The following NAALADL2 variants were observed in gnomAD, a reference collection of about 807,000 sequenced individuals.
The protein encoded by NAALADL2 is N-acetylated alpha-linked acidic dipeptidase like 2.
NAALADL2 carries 76 observed loss-of-function variants against 87.2 expected under a neutral mutation model. That is an observed-to-expected ratio of 0.87 (90% CI 0.72 to 1.05). The LOEUF (loss-of-function observed/expected upper bound fraction) is 1.05. NAALADL2 is among the 50% of genes least tolerant of loss of function. The probability of loss-of-function intolerance (pLI) is 0.00; values close to 1 mark genes in which losing one functional copy is unlikely to be tolerated. For synonymous variants in NAALADL2, 354 were observed against 331.0 expected, an observed-to-expected ratio of 1.07 and a Z score of -0.75; for missense variants, 1,089 against 945.8, an observed-to-expected ratio of 1.15 and a Z score of -1.99.
intron 1 of NAALADL2, among the ~76,000 whole-genome samples, chr3:175,017,168 CT>C (rs113499944): frequency 0.15 from 22,614 of 148,636 alleles, 3,279 homozygotes; most frequent in African/African-American, 0.38. Flanking sequence ...CATTGCTTTT[CT>C]TTTTTTTTTC....
chr3:174,730,756 C>T (rs1377867855), intron 2 of NAALADL2, among the ~76,000 whole-genome samples: 1 of 151,866 alleles, frequency 6.6e-6, no homozygotes, highest in Non-Finnish European at 1.5e-5. Context: ...TAGCTGGAAG[C>T]TTATACCATT....
intron 3 of NAALADL2, among the ~76,000 whole-genome samples, chr3:174,793,899 A>T (rs1412636915): frequency 6.6e-6 from 1 of 152,036 alleles, no homozygotes; most frequent in Non-Finnish European, 1.5e-5. Flanking sequence ...GGCAGGTTAG[A>T]AGATACAGTT....
At chr3:175,004,153 C>T (rs1031581753) in intron 1 of NAALADL2, among the ~76,000 whole-genome samples, 2 of 152,014 alleles carry the variant, frequency 1.3e-5, no homozygotes, top group Non-Finnish European at 2.9e-5. Context: ...GCAGGAGGCT[C>T]ATTTGAGCCC....
At chr3:175,732,624 G>A (rs533118171) in intron 11 of NAALADL2, among the ~76,000 whole-genome samples, 1 of 152,080 alleles carries the variant, frequency 6.6e-6, no homozygotes, top group African/African-American at 2.4e-5. Flanking sequence ...CATCCTCATC[G>A]TGTGCTTTGA....
intron 1 of NAALADL2, among the ~76,000 whole-genome samples, chr3:175,048,330 C>T (rs1754929103): frequency 1.3e-5 from 2 of 151,824 alleles, no homozygotes; most frequent in African/African-American, 4.8e-5. Context: ...AGAAAGAAAG[C>T]AAAAATTGTT....
chr3:175,590,379 G>GT lies in NAALADL2; in HGVS notation c.1800+14193dup, dbSNP rs558495337. ...GGAAAGAATAGTCGATATAGTGTCT[G>GT]TATCTGGAAATAAATATAGTAACAT... On this transcript the variant is annotated intron_variant, in intron 10 of 13. Transcript: ENST00000454872. Among the ~76,000 whole-genome samples the GT allele has an allele frequency of 9.2e-3, 1,338 of 145,354 alleles. 28 individuals carry two copies. Among genetic ancestry groups the GT allele is most frequent in the African/African-American group, 0.033 (1,269 of 38,686 alleles).
At chr3:175,124,337 A>T (rs1281002690) in intron 2 of NAALADL2, 1 of 152,020 alleles carries the variant, frequency 6.6e-6, no homozygotes, top group African/African-American at 2.4e-5. Context: ...TCAGTTGATC[A>T]TTGATGATGT....
chr3:174,507,011 A>G (rs998512202), intron 1 of NAALADL2, among the ~76,000 whole-genome samples: 3 of 151,688 alleles, frequency 2.0e-5, no homozygotes, highest in Non-Finnish European at 2.9e-5. Context: ...TTTCCTCTCA[A>G]TATCTGTTTA....
intron 1 of NAALADL2, among the ~76,000 whole-genome samples, chr3:174,518,316 G>T (rs1720056455): frequency 6.6e-6 from 1 of 152,108 alleles, no homozygotes; most frequent in Non-Finnish European, 1.5e-5. Flanking sequence ...TTAACGATTT[G>T]TCTTTAATAC....
chr3:174,734,980 G>A (rs1266743662), intron 2 of NAALADL2, among the ~76,000 whole-genome samples: 2 of 152,138 alleles, frequency 1.3e-5, no homozygotes, highest in African/African-American at 4.8e-5. Flanking sequence ...CTAGTCACAA[G>A]CTTGTACAAT....
At position 175,762,192 on chromosome 3, in the gene NAALADL2, A is replaced by ATTT. The variant is rs55668165; in HGVS notation, c.2189+6787_2189+6789dup. 1.3e-3 allele frequency among the ~76,000 whole-genome samples: 154 copies of ATTT among 114,134 alleles called. 8 individuals carry two copies. Among genetic ancestry groups the ATTT allele is most frequent in the African/African-American group, 4.8e-3 (141 of 29,648 alleles). 74.9% of individuals were successfully genotyped at this position (114,134 alleles called of 152,430 possible). ...TGAAAAGGATAAGGTCTGTGTTTCG[A>ATTT]TTTTTTTTTTTTTTTGCATGTAGAT... On this transcript the variant is annotated intron_variant, in intron 13 of 13. Transcript: ENST00000454872.
intron 1 of NAALADL2, among the ~76,000 whole-genome samples, chr3:175,029,096 T>G (rs1305654072): frequency 6.6e-6 from 1 of 150,992 alleles, no homozygotes; most frequent in African/African-American, 2.4e-5. Context: ...CAATTTCAAG[T>G]TGTCCCAAAT....
chr3:175,605,643 T>TTTTTTTTTTTG lies in NAALADL2; in HGVS notation c.1801-21638_1801-21637insGTTTTTTTTTT, dbSNP rs1204029895. Among the ~76,000 whole-genome samples, 661 of 94,550 alleles carry TTTTTTTTTTTG rather than the reference T, an allele frequency of 7.0e-3. 6 individuals are homozygous for TTTTTTTTTTTG. The highest frequency in any genetic ancestry group is 0.044 in the East Asian group (131 of 2,954). 62.0% of individuals were successfully genotyped at this position (94,550 alleles called of 152,430 possible). On this transcript the variant is annotated intron_variant, in intron 10 of 13. Coordinates refer to ENST00000454872, the MANE Select transcript of NAALADL2 (RefSeq NM_207015.3). ...GACACCTAGATGTATATTGCTTGTTTTTTTTTTTTTTTTAACTGTATTTAG... is the reference window on the plus strand; with the variant it reads ...GACACCTAGATGTATATTGCTTGTTTTTTTTTTTTTGTTTTTTTTTTTTTAACTGTATTTAG...
chr3:174,493,801 G>A (rs189365201), intron 1 of NAALADL2, among the ~76,000 whole-genome samples: 70 of 152,226 alleles, frequency 4.6e-4, no homozygotes, highest in Middle Eastern at 3.4e-3. Flanking sequence ...TTTGTTAGGT[G>A]CTATGGGCAC....
chr3:175,365,510 T>C (rs1051526697), intron 5 of NAALADL2, among the ~76,000 whole-genome samples: 1 of 147,658 alleles, frequency 6.8e-6, no homozygotes, highest in Admixed American at 7.0e-5. Flanking sequence ...TTGACAAAGG[T>C]TAAATCATTA....
intron 5 of NAALADL2, among the ~76,000 whole-genome samples, chr3:175,395,681 A>G (rs192209093): frequency 6.6e-6 from 1 of 152,292 alleles, no homozygotes; most frequent in African/African-American, 2.4e-5. Context: ...ATTTTCATGT[A>G]ATTTTGTGAA....
intron 11 of NAALADL2, among the ~76,000 whole-genome samples, chr3:175,634,854 T>C (rs1218671948): frequency 6.6e-6 from 1 of 152,040 alleles, no homozygotes; most frequent in African/African-American, 2.4e-5. Context: ...ATCAAATTAT[T>C]GTTACTAGAT....
At chr3:175,284,087 G>A (rs1256500070) in intron 4 of NAALADL2, among the ~76,000 whole-genome samples, 3 of 151,900 alleles carry the variant, frequency 2.0e-5, no homozygotes, top group Non-Finnish European at 2.9e-5. Context: ...CAATATTAGT[G>A]TAGTTTGAAG....
rs147244971 is a variant in NAALADL2 at position 174,867,554 on chromosome 3, G to A, written c.43+8104G>A. Among the ~76,000 whole-genome samples the A allele has an allele frequency of 3.4e-3, 512 of 151,982 alleles. 2 individuals are homozygous for A. Among genetic ancestry groups the A allele is most frequent in the African/African-American group, 0.01 (429 of 41,486 alleles). The stretch of plus-strand genomic sequence containing the variant: ...TTGTTTATTGCTTCATTTCTAGTGC[G>A]TAGATCCATAGCTAACATATACTAT... On this transcript the variant is annotated intron_variant, in intron 1 of 13. Transcript: ENST00000454872.
Sources: allele counts gnomAD v4.1 joint callset (sites outside exome capture counted in the v4.1 genomes callset), GRCh38; gene constraint gnomAD v4.1.1; transcripts MANE v1.5; gene names NCBI Gene and HGNC (gene_info 2026-07-23, HGNC 2026-07-21).